AGBL1: variants seen among roughly 807,000 people sequenced by gnomAD.
AGBL1 encodes the protein AGBL carboxypeptidase 1, also known as cytosolic carboxypeptidase 4.
A neutral mutation model predicts 118.9 loss-of-function variants in AGBL1; 130 were observed. The observed-to-expected ratio is 1.09, with a 90% confidence interval of 0.95 to 1.26. The LOEUF (loss-of-function observed/expected upper bound fraction) is 1.26. Among genes scored for constraint, AGBL1 ranks in the 50% most tolerant of loss-of-function variants. The probability of loss-of-function intolerance (pLI) is 0.00; values close to 1 mark genes in which losing one functional copy is unlikely to be tolerated. For missense variants in AGBL1, 1,584 were observed against 1,298.1 expected, an observed-to-expected ratio of 1.22 and a Z score of -3.38; for synonymous variants, 555 against 478.9, an observed-to-expected ratio of 1.16 and a Z score of -2.08.
At chr15:86,182,336 C>G (rs2077564938) in intron 5 of AGBL1, among the ~76,000 whole-genome samples, 1 of 151,790 alleles carries the variant, frequency 6.6e-6, no homozygotes, top group African/African-American at 2.4e-5. Context: ...TTTTTGCATG[C>G]TAGGGAAATT....
intron 5 of AGBL1, among the ~76,000 whole-genome samples, chr15:86,218,611 T>C (rs959408208): frequency 2.6e-5 from 4 of 152,216 alleles, no homozygotes; most frequent in South Asian, 4.1e-4. Context: ...AATTGTGTTA[T>C]AAGAGGTCAT....
chr15:86,930,882 G>C (rs988627928), intron 23 of AGBL1, among the ~76,000 whole-genome samples: 1 of 152,142 alleles, frequency 6.6e-6, no homozygotes, highest in Non-Finnish European at 1.5e-5. Context: ...CAATAGTCAA[G>C]GAAGTTAGAG....
chr15:86,429,268 A>C (rs1417369603), intron 18 of AGBL1, among the ~76,000 whole-genome samples: 1 of 152,224 alleles, frequency 6.6e-6, no homozygotes, highest in Non-Finnish European at 1.5e-5. Flanking sequence ...CAAATGTGGG[A>C]TCTTGGCCTC....
At chr15:86,783,670 C>T (rs868033092) in intron 22 of AGBL1, among the ~76,000 whole-genome samples, 3 of 152,196 alleles carry the variant, frequency 2.0e-5, no homozygotes, top group Non-Finnish European at 4.4e-5. Flanking sequence ...CACTCCGTCA[C>T]CCAGGCTGGA....
chr15:86,126,554 G>A (rs897406688), intron 1 of AGBL1, among the ~76,000 whole-genome samples: 1 of 152,174 alleles, frequency 6.6e-6, no homozygotes, highest in Non-Finnish European at 1.5e-5. Context: ...CTGTTGATGA[G>A]AAATGAGACC....
In AGBL1 at chr15:86,442,031, C is replaced by G. The variant is rs114622590; in HGVS notation, c.2555+44485C>G. ...ACAACTGATGAAATTTGGAACTTTA[C>G]GAGCCCAATACCCTCAGGAACTGAG... On this transcript the variant is annotated intron_variant, in intron 18 of 22. Transcript: ENST00000614907. Among the ~76,000 whole-genome samples, 1,451 of 152,264 alleles carry G rather than the reference C, an allele frequency of 9.5e-3. 30 individuals are homozygous for G. The highest frequency in any genetic ancestry group is 0.033 in the African/African-American group (1,364 of 41,544).
chr15:86,760,266 C>A (rs921747048), intron 22 of AGBL1, among the ~76,000 whole-genome samples: 1 of 152,058 alleles, frequency 6.6e-6, no homozygotes, highest in Non-Finnish European at 1.5e-5. Context: ...AATAAAACTG[C>A]AGGAACTGTA....
intron 17 of AGBL1, among the ~76,000 whole-genome samples, chr15:86,383,180 A>C (rs1294069665): frequency 7.0e-6 from 1 of 142,300 alleles, no homozygotes; most frequent in Non-Finnish European, 1.5e-5. Context: ...CCGGAGCTGG[A>C]AAGGGTTTGG....
chr15:86,274,553 TA>T (rs1438442302), intron 15 of AGBL1, among the ~76,000 whole-genome samples: 1 of 152,176 alleles, frequency 6.6e-6, no homozygotes, highest in Admixed American at 6.5e-5. Context: ...TGCCGGAAGC[TA>T]AAAGCAAAAG....
intron 1 of AGBL1, among the ~76,000 whole-genome samples, chr15:86,128,006 A>G (rs1200339672): frequency 6.6e-6 from 1 of 152,038 alleles, no homozygotes; most frequent in African/African-American, 2.4e-5. Context: ...GGCCATTCAT[A>G]TGTTTTTTTG....
At chr15:86,557,735 T>G (rs894248654) in intron 21 of AGBL1, among the ~76,000 whole-genome samples, 17 of 152,148 alleles carry the variant, frequency 1.1e-4, no homozygotes, top group Admixed American at 7.9e-4. Flanking sequence ...TTTTACAATC[T>G]CTTCTTTCTT....
At chr15:86,237,608 C>T (rs1431911575) in intron 6 of AGBL1, among the ~76,000 whole-genome samples, 2 of 152,142 alleles carry the variant, frequency 1.3e-5, no homozygotes, top group African/African-American at 4.8e-5. Context: ...GGGATAATGG[C>T]TTGTCTTGGG....
intron 21 of AGBL1, among the ~76,000 whole-genome samples, chr15:86,583,875 T>C (rs1384691439): frequency 6.6e-6 from 1 of 152,174 alleles, no homozygotes; most frequent in Non-Finnish European, 1.5e-5. Flanking sequence ...TTTAAAATTA[T>C]AGTTATTCTG....
At chr15:86,450,850 A>G (rs1247078046) in intron 18 of AGBL1, among the ~76,000 whole-genome samples, 1 of 152,220 alleles carries the variant, frequency 6.6e-6, no homozygotes, top group Non-Finnish European at 1.5e-5. Flanking sequence ...TAGAGCCATT[A>G]TTAATAATAT....
chr15:86,843,750 T>C (rs1238166273), intron 22 of AGBL1, among the ~76,000 whole-genome samples: 2 of 152,236 alleles, frequency 1.3e-5, no homozygotes, highest in African/African-American at 4.8e-5. Flanking sequence ...GTTCACATAC[T>C]ATATAAATTT....
chr15:86,867,230 C>G (rs1194513851), intron 22 of AGBL1, among the ~76,000 whole-genome samples: 1 of 152,146 alleles, frequency 6.6e-6, no homozygotes, highest in Admixed American at 6.5e-5. Context: ...TGAAGGTTTA[C>G]TCAGCCCTCA....
intron 16 of AGBL1, among the ~76,000 whole-genome samples, chr15:86,292,480 A>C (rs2079563329): frequency 6.6e-6 from 1 of 152,170 alleles, no homozygotes; most frequent in African/African-American, 2.4e-5. Flanking sequence ...TGACCTTCAG[A>C]ACTATAAGAT....
At chr15:86,427,637 G>T (rs544356362) in intron 18 of AGBL1, among the ~76,000 whole-genome samples, 1 of 151,480 alleles carries the variant, frequency 6.6e-6, no homozygotes. Context: ...TAGTTTTCAT[G>T]AGACAGCCCC....
intron 18 of AGBL1, among the ~76,000 whole-genome samples, chr15:86,489,276 G>C (rs367552032): frequency 6.6e-6 from 1 of 152,044 alleles, no homozygotes; most frequent in Admixed American, 6.6e-5. Flanking sequence ...ACAGTGCCTG[G>C]CATAAAAATA....
Sources: gnomAD v4.1 joint callset for allele counts (sites outside exome capture counted in the v4.1 genomes callset) on GRCh38, gnomAD v4.1.1 for gene constraint, MANE v1.5 for transcripts, NCBI Gene and HGNC (gene_info 2026-07-23, HGNC 2026-07-21) for gene names.